The following MYO5B variants were observed in gnomAD, a reference collection of about 807,000 sequenced individuals.
MYO5B encodes the protein myosin VB, also known as unconventional myosin-Vb.
In MYO5B, 143 loss-of-function variants were observed where a neutral mutation model predicts 229.3. That is an observed-to-expected ratio of 0.62 (90% CI 0.54 to 0.72). The LOEUF (loss-of-function observed/expected upper bound fraction) is 0.72. Ranked by LOEUF, MYO5B falls within the 30% of genes least tolerant of loss-of-function variation. The probability of loss-of-function intolerance (pLI) is 0.00; values close to 1 mark genes in which losing one functional copy is unlikely to be tolerated. For missense variants in MYO5B, 2,321 were observed against 2,331.0 expected (o/e 1.00, Z 0.09); for synonymous variants, 918 against 885.2 (o/e 1.04, Z -0.66).
Position 49,826,529 on chromosome 18 carries a change from G to C in MYO5B, c.5489C>G (p.Thr1830Ser). The stretch of plus-strand genomic sequence containing the variant: ...CGCTGGGATGTGGATTGAGTCCATG[G>C]TTAGAGAAGATGGATTAAATGGAAA... ...VLFPFNPSSL[T>S]MDSIHIPACL... The change falls in exon 40 of 40, where the codon ACC becomes AGC. Residue 1830 changes from threonine (T) to serine (S), a missense_variant. Around this residue, in one of 2 missense-constraint regions of MYO5B, gnomAD observed 208 missense variants for 286.3 expected, o/e 0.73. Coordinates refer to ENST00000285039, the MANE Select transcript of MYO5B (RefSeq NM_001080467.3). The C allele has an allele frequency of 6.2e-7, 1 of 1,614,038 alleles. No homozygotes were observed. Among genetic ancestry groups the C allele is most frequent in the Non-Finnish European group, 8.5e-7 (1 of 1,179,908 alleles).
intron 4 of MYO5B, among the ~76,000 whole-genome samples, chr18:50,034,405 G>A (rs902440798): frequency 1.4e-4 from 21 of 152,172 alleles, no homozygotes; most frequent in Non-Finnish European, 2.1e-4. Flanking sequence ...GTACATCTCA[G>A]ATCAGTAACA....
intron 34 of MYO5B, among the ~76,000 whole-genome samples, chr18:49,842,040 T>G (rs2024064089): frequency 6.6e-6 from 1 of 150,522 alleles, no homozygotes; most frequent in Non-Finnish European, 1.5e-5. Context: ...GCTCATTCTG[T>G]CAAGTAAGCG....
At chr18:49,831,771 A>C (rs1237159838) in intron 39 of MYO5B, among the ~76,000 whole-genome samples, 1 of 152,188 alleles carries the variant, frequency 6.6e-6, no homozygotes, top group East Asian at 1.9e-4. Flanking sequence ...GCCCCAAAGA[A>C]CTGAAAAATT....
intron 1 of MYO5B, among the ~76,000 whole-genome samples, chr18:50,101,757 T>G (rs2031659235): frequency 6.6e-6 from 1 of 152,182 alleles, no homozygotes; most frequent in South Asian, 2.1e-4. Flanking sequence ...GGTGAGGCTG[T>G]GGAGAAATAG....
In MYO5B at chr18:50,160,384, T is replaced by C. The variant is rs564256187; in HGVS notation, c.27+34383A>G. Among the ~76,000 whole-genome samples, 23 of 152,324 alleles carry C rather than the reference T, an allele frequency of 1.5e-4. 1 individual carries two copies. In the East Asian group the frequency reaches 3.3e-3, roughly 22 times the overall value. On this transcript the variant is annotated intron_variant, in intron 1 of 39. Coordinates refer to ENST00000285039, the MANE Select transcript of MYO5B (RefSeq NM_001080467.3). ...GGATCTTGGGTAAAACCCAGTTCTCTATCAGATGATGGAAAGCAGAGGTTC... is the reference window on the plus strand; with the variant it reads ...GGATCTTGGGTAAAACCCAGTTCTCCATCAGATGATGGAAAGCAGAGGTTC...
intron 1 of MYO5B, chr18:50,098,748 T>C (rs2031601530): frequency 2.6e-5 from 4 of 152,534 alleles, no homozygotes; most frequent in African/African-American, 9.7e-5. Context: ...TACATGCTCT[T>C]GGAGCATAAG....
chr18:50,009,873 G>A (rs2026144171), intron 4 of MYO5B, among the ~76,000 whole-genome samples: 1 of 152,210 alleles, frequency 6.6e-6, no homozygotes, highest in Admixed American at 6.5e-5. Flanking sequence ...TGGAGGCAGG[G>A]CACTTGTGTG....
In MYO5B at chr18:50,195,012, G is replaced by A. The variant is rs2033283814; in HGVS notation, c.-219C>T. ...CGCCGCGGCGGCGCAGCTACGGCCGGACAGGAGTTGCGAGCGCCGGGGGAG... is the reference window on the plus strand; with the variant it reads ...CGCCGCGGCGGCGCAGCTACGGCCGAACAGGAGTTGCGAGCGCCGGGGGAG... On this transcript the variant is annotated 5_prime_UTR_variant, in exon 1 of 40. Coordinates refer to ENST00000285039, the MANE Select transcript of MYO5B (RefSeq NM_001080467.3). 4 of 535,322 alleles carry A rather than the reference G, an allele frequency of 7.5e-6. No homozygotes were observed. Among genetic ancestry groups the A allele is most frequent in the Non-Finnish European group, 1.1e-5 (4 of 364,002 alleles). The allele number at this position is 535,322 out of a possible 1,614,324, so 33.2% of individuals were successfully genotyped here. A position where few individuals can be genotyped will look rare whatever the true frequency, so the allele number is the denominator to read the frequency against.
At chr18:50,049,320 A>G (rs1005936239) in intron 2 of MYO5B, among the ~76,000 whole-genome samples, 2 of 152,262 alleles carry the variant, frequency 1.3e-5, no homozygotes, top group African/African-American at 4.8e-5. Flanking sequence ...ACAGTGATGC[A>G]AGTAATTAGA....
intron 7 of MYO5B, among the ~76,000 whole-genome samples, chr18:49,989,581 TCATTACCCCATAAGGACC>T (rs2025907331): frequency 6.6e-6 from 1 of 151,722 alleles, no homozygotes; most frequent in Non-Finnish European, 1.5e-5. Flanking sequence ...CAAAAATCAG[TCATTACCCCATAAGGACC>T]CACACAGAGA....
chr18:50,043,643 A>G (rs988660390), intron 2 of MYO5B, among the ~76,000 whole-genome samples: 2 of 137,090 alleles, frequency 1.5e-5, no homozygotes, highest in African/African-American at 2.7e-5. Context: ...TATTAAATAT[A>G]TTTATAAATA....
intron 24 of MYO5B, among the ~76,000 whole-genome samples, chr18:49,878,445 A>G (rs759617582): frequency 6.6e-6 from 1 of 151,890 alleles, no homozygotes; most frequent in Non-Finnish European, 1.5e-5. Context: ...CTTCTATGCA[A>G]TTAACTTACT....
In MYO5B at chr18:49,937,502, A is replaced by G. The variant is rs1787519; in HGVS notation, c.1753-105T>C. On this transcript the variant is annotated intron_variant, in intron 14 of 39. Transcript: ENST00000285039. ...ATATACCTGAGAACGGAAAACACAC[A>G]TCCACGCCAAAACCCACACACCAAC... is the stretch of plus-strand genomic sequence containing the variant. 955,951 of 1,349,564 alleles carry G rather than the reference A, an allele frequency of 0.71. 341,970 individuals carry two copies. The highest frequency in any genetic ancestry group is 0.84 in the Middle Eastern group (4,728 of 5,608). The allele number at this position is 1,349,564 out of a possible 1,614,324, so 83.6% of individuals were successfully genotyped here.
intron 1 of MYO5B, among the ~76,000 whole-genome samples, chr18:50,135,676 G>A (rs1273041428): frequency 6.6e-6 from 1 of 152,174 alleles, no homozygotes; most frequent in African/African-American, 2.4e-5. Flanking sequence ...AATGAAGTGG[G>A]ATTGGTTAAA....
intron 4 of MYO5B, among the ~76,000 whole-genome samples, chr18:50,020,145 T>C (rs919137593): frequency 1.4e-4 from 22 of 152,320 alleles, no homozygotes; most frequent in African/African-American, 4.6e-4. Flanking sequence ...CACCTTTGCA[T>C]TGACTATGCA....
At chr18:50,018,581 T>C (rs753670016) in intron 4 of MYO5B, among the ~76,000 whole-genome samples, 4 of 152,172 alleles carry the variant, frequency 2.6e-5, no homozygotes, top group Middle Eastern at 3.2e-3. Flanking sequence ...TGTATATCAA[T>C]TGATCATCAG....
intron 1 of MYO5B, among the ~76,000 whole-genome samples, chr18:50,061,832 C>T (rs1162830464): frequency 6.6e-6 from 1 of 152,162 alleles, no homozygotes; most frequent in Admixed American, 6.5e-5. Flanking sequence ...AACCTGCACT[C>T]CCTGGAATTA....
chr18:49,918,915 G>GAGA (rs1260920743), intron 17 of MYO5B, among the ~76,000 whole-genome samples: 3 of 152,234 alleles, frequency 2.0e-5, no homozygotes, highest in Non-Finnish European at 4.4e-5. Flanking sequence ...GCCAGAATCA[G>GAGA]AGAAGAGAGG....
chr18:49,972,294 C>T (rs1474467267), intron 10 of MYO5B, among the ~76,000 whole-genome samples: 1 of 152,192 alleles, frequency 6.6e-6, no homozygotes, highest in Non-Finnish European at 1.5e-5. Context: ...AAAATCCCAG[C>T]TTGCACAAAC....
Sources: gnomAD v4.1 joint callset for allele counts (sites outside exome capture counted in the v4.1 genomes callset) on GRCh38, gnomAD v4.1.1 for gene constraint, gnomAD v4.1.1 regional missense constraint, MANE v1.5 for transcripts, NCBI Gene and HGNC (gene_info 2026-07-23, HGNC 2026-07-21) for gene names.